The following GABBR2 variants were observed in gnomAD, a reference collection of about 807,000 sequenced individuals.
GABBR2 encodes the protein gamma-aminobutyric acid type B receptor subunit 2, also known as G-protein coupled receptor 51.
A neutral mutation model predicts 105.6 loss-of-function variants in GABBR2; 23 were observed. That is an observed-to-expected ratio of 0.22 (90% CI 0.16 to 0.31). The LOEUF is 0.31. Among genes scored for constraint, GABBR2 ranks in the 10% least tolerant of loss-of-function variants. The pLI is 1.00. For missense variants in GABBR2, 734 were observed against 1,245.5 expected (o/e 0.59, Z 6.18); for synonymous variants, 478 against 499.7 (o/e 0.96, Z 0.58).
intron 3 of GABBR2, among the ~76,000 whole-genome samples, chr9:98,508,883 G>A (rs1378111457): frequency 1.3e-5 from 2 of 152,164 alleles, no homozygotes; most frequent in East Asian, 3.9e-4. Context: ...AACCTCTGCA[G>A]ACTTAAATGT....
chr9:98,456,741 G>T (rs1208221421), intron 6 of GABBR2, among the ~76,000 whole-genome samples: 1 of 152,060 alleles, frequency 6.6e-6, no homozygotes, highest in Admixed American at 6.5e-5. Context: ...TTGACAATAG[G>T]TATTTTCATT....
chr9:98,608,568 A>G (rs1172469891), intron 1 of GABBR2, among the ~76,000 whole-genome samples: 5 of 152,214 alleles, frequency 3.3e-5, no homozygotes, highest in South Asian at 2.1e-4. Context: ...GTTCCATTCA[A>G]TGCAGTATAT....
chr9:98,683,398 C>T lies in GABBR2; in HGVS notation c.321+25019G>A, dbSNP rs1012976527. Among the ~76,000 whole-genome samples the T allele has an allele frequency of 3.9e-5, 6 of 152,110 alleles. No homozygotes were observed. The East Asian group carries it at 7.7e-4, about 20-fold the overall frequency. ...GATTACAGCTGTGAGCCATTGCGCC[C>T]GGCCCAAGTTACTAAACTTCTCTGA... is the stretch of plus-strand genomic sequence containing the variant. On this transcript the variant is annotated intron_variant, in intron 1 of 18. Transcript: ENST00000259455.
intron 7 of GABBR2, among the ~76,000 whole-genome samples, chr9:98,406,963 G>A (rs1414382648): frequency 1.3e-5 from 2 of 152,202 alleles, no homozygotes; most frequent in African/African-American, 4.8e-5. Flanking sequence ...GTGATAAGGG[G>A]ATGACCCCCA....
At chr9:98,546,820 G>C (rs73655490) in intron 2 of GABBR2, among the ~76,000 whole-genome samples, 1 of 62,528 alleles carries the variant, frequency 1.6e-5, no homozygotes, top group African/African-American at 3.7e-5. Flanking sequence ...TTTTGTTCCC[G>C]CTGGTTTTCA....
At chr9:98,636,801 A>G (rs1363026609) in intron 1 of GABBR2, among the ~76,000 whole-genome samples, 1 of 152,136 alleles carries the variant, frequency 6.6e-6, no homozygotes, top group Non-Finnish European at 1.5e-5. Context: ...TTTCAGAAGC[A>G]AGAATTTGGG....
At chr9:98,311,049 A>T in intron 14 of GABBR2, 46 bp downstream of exon 14, 2 of 1,057,118 alleles carry the variant, frequency 1.9e-6, no homozygotes, top group Non-Finnish European at 2.9e-6. Context: ...CAGAGGCCCA[A>T]CAAAGAAGTG....
intron 7 of GABBR2, among the ~76,000 whole-genome samples, chr9:98,448,626 C>T (rs909458665): frequency 6.6e-6 from 1 of 152,080 alleles, no homozygotes; most frequent in East Asian, 1.9e-4. Context: ...TCATGTTGCC[C>T]AGGCTGGTCA....
chr9:98,661,185 A>G (rs1490777269), intron 1 of GABBR2, among the ~76,000 whole-genome samples: 6 of 152,028 alleles, frequency 3.9e-5, no homozygotes, highest in Non-Finnish European at 8.8e-5. Flanking sequence ...TAGGATTACA[A>G]GAGTGAGCCA....
chr9:98,379,823 G>C (rs1295097320), intron 11 of GABBR2, among the ~76,000 whole-genome samples: 3 of 151,888 alleles, frequency 2.0e-5, no homozygotes, highest in Admixed American at 2.0e-4. Context: ...TGTTAAATAG[G>C]GTAAACAAAA....
intron 3 of GABBR2, among the ~76,000 whole-genome samples, chr9:98,537,299 C>T (rs370537892): frequency 3.3e-5 from 5 of 152,294 alleles, no homozygotes; most frequent in African/African-American, 9.6e-5. Flanking sequence ...CAAAAGACTG[C>T]GTGTTCTTTA....
chr9:98,420,068 C>T (rs1832755182), intron 7 of GABBR2, among the ~76,000 whole-genome samples: 1 of 151,894 alleles, frequency 6.6e-6, no homozygotes, highest in African/African-American at 2.4e-5. Context: ...CGCTCTCTGG[C>T]TTGGAAGGTC....
intron 13 of GABBR2, among the ~76,000 whole-genome samples, chr9:98,336,550 C>T (rs1831118869): frequency 6.6e-6 from 1 of 151,994 alleles, no homozygotes; most frequent in African/African-American, 2.4e-5. Flanking sequence ...CTAAAAAATA[C>T]AAAAATTAGC....
chr9:98,326,444 C>T (rs1830926062), intron 13 of GABBR2, among the ~76,000 whole-genome samples: 1 of 152,256 alleles, frequency 6.6e-6, no homozygotes, highest in Admixed American at 6.5e-5. Context: ...ATGCCACCAA[C>T]ATCCCATCTG....
intron 1 of GABBR2, among the ~76,000 whole-genome samples, chr9:98,580,614 C>A (rs1182094170): frequency 2.0e-5 from 3 of 152,074 alleles, no homozygotes; most frequent in Non-Finnish European, 4.4e-5. Flanking sequence ...ATGGCGAAAC[C>A]CCGTCTCTAT....
chr9:98,591,384 T>C (rs1489636616), intron 1 of GABBR2, among the ~76,000 whole-genome samples: 2 of 152,200 alleles, frequency 1.3e-5, no homozygotes, highest in Non-Finnish European at 2.9e-5. Context: ...TCGGGAACAC[T>C]GAACACAGGT....
intron 13 of GABBR2, among the ~76,000 whole-genome samples, chr9:98,315,875 G>A (rs3780440): frequency 0.21 from 32,066 of 152,286 alleles, 3,826 homozygotes; most frequent in South Asian, 0.37. Flanking sequence ...GGCCTTACAT[G>A]AGGCCAGATT....
At chr9:98,558,980 T>C (rs763890306) in intron 2 of GABBR2, among the ~76,000 whole-genome samples, 13 of 152,256 alleles carry the variant, frequency 8.5e-5, no homozygotes, top group Non-Finnish European at 5.9e-5. Context: ...TTGCATGGAA[T>C]TGGACTCAAT....
chr9:98,525,271 A>C (rs1347014481), intron 3 of GABBR2, among the ~76,000 whole-genome samples: 2 of 152,244 alleles, frequency 1.3e-5, no homozygotes. Context: ...GATATGATCT[A>C]ATCCAGAATA....
Sources: allele counts gnomAD v4.1 joint callset (sites outside exome capture counted in the v4.1 genomes callset), GRCh38; gene constraint gnomAD v4.1.1; transcripts MANE v1.5; gene names NCBI Gene and HGNC (gene_info 2026-07-23, HGNC 2026-07-21).